Variants in PTPRD observed in about 807,000 individuals in gnomAD.
PTPRD encodes the protein protein tyrosine phosphatase receptor type D.
In PTPRD, 34 loss-of-function variants were observed where a neutral mutation model predicts 214.5. That is an observed-to-expected ratio of 0.16 (90% CI 0.12 to 0.21). PTPRD has a LOEUF of 0.21. PTPRD is among the 10% of genes least tolerant of loss of function. The probability of loss-of-function intolerance (pLI) is 1.00; values close to 1 mark genes in which losing one functional copy is unlikely to be tolerated. For missense variants in PTPRD, 2,545 were observed against 2,398.7 expected, an observed-to-expected ratio of 1.06 and a Z score of -1.27; for synonymous variants, 1,128 against 845.7, an observed-to-expected ratio of 1.33 and a Z score of -5.79.
chr9:10,396,599 C>T (rs2098175317), intron 2 of PTPRD, among the ~76,000 whole-genome samples: 1 of 152,018 alleles, frequency 6.6e-6, no homozygotes, highest in Non-Finnish European at 1.5e-5. Flanking sequence ...TAACTGAAAT[C>T]AATCCATCTG....
intron 4 of PTPRD, among the ~76,000 whole-genome samples, chr9:9,964,057 C>G (rs10816267): frequency 3.4e-5 from 5 of 147,938 alleles, no homozygotes; most frequent in African/African-American, 9.9e-5. Flanking sequence ...GAGGCAGAGG[C>G]AGGCAGAGAC....
At chr9:8,547,423 G>T (rs1226242281) in intron 14 of PTPRD, among the ~76,000 whole-genome samples, 1 of 152,076 alleles carries the variant, frequency 6.6e-6, no homozygotes, top group African/African-American at 2.4e-5. Context: ...TGGGCAGATT[G>T]CCTGATCTCA....
rs79140700 is a variant in PTPRD, at chr9:8,526,520, G to A, written c.568+107C>T. On this transcript the variant is annotated intron_variant, in intron 17 of 45. Transcript: ENST00000381196. ...ACAGTACAAAGAAAAAAAAAAAGTT[G>A]ATGGACATTATTGGAATGACGCTGA... The A allele has an allele frequency of 5.5e-3, 5,272 of 951,230 alleles. 48 individuals are homozygous for A. The highest frequency in any genetic ancestry group is 0.037 in the Middle Eastern group (158 of 4,294). The allele number at this position is 951,230 out of a possible 1,614,324, so 58.9% of individuals were successfully genotyped here.
At chr9:9,975,728 G>C (rs1354127863) in intron 4 of PTPRD, among the ~76,000 whole-genome samples, 1 of 152,164 alleles carries the variant, frequency 6.6e-6, no homozygotes, top group Non-Finnish European at 1.5e-5. Context: ...GGAGGCAATA[G>C]AGCCCGTAGA....
intron 11 of PTPRD, among the ~76,000 whole-genome samples, chr9:8,988,443 A>C (rs2099353933): frequency 6.6e-6 from 1 of 152,038 alleles, no homozygotes; most frequent in South Asian, 2.1e-4. Context: ...TTTAATAATC[A>C]AAGCTATGGA....
At position 9,953,153 on chromosome 9, in the gene PTPRD, G is replaced by A. The variant is rs75452451; in HGVS notation, c.-471-14543C>T. On this transcript the variant is annotated intron_variant, in intron 4 of 45. Transcript: ENST00000381196. Reference sequence around the variant, plus strand: ...AACCAAAATGGATGGTTAATTCTGTGTGTCAACTTTCCTGGGTCATGGTGT... The same window carrying A: ...AACCAAAATGGATGGTTAATTCTGTATGTCAACTTTCCTGGGTCATGGTGT... Among the ~76,000 whole-genome samples the A allele has an allele frequency of 1.2e-3, 182 of 152,248 alleles. 5 individuals carry two copies. The East Asian group carries it at 0.026, about 22-fold the overall frequency.
chr9:10,439,324 C>G (rs1329479612), intron 2 of PTPRD, among the ~76,000 whole-genome samples: 1 of 151,764 alleles, frequency 6.6e-6, no homozygotes, highest in African/African-American at 2.4e-5. Flanking sequence ...GCAATGCTGG[C>G]AACTAATGCT....
intron 2 of PTPRD, among the ~76,000 whole-genome samples, chr9:10,520,194 G>A (rs1321853454): frequency 6.6e-6 from 1 of 152,120 alleles, no homozygotes; most frequent in Non-Finnish European, 1.5e-5. Context: ...AAGAGTTATT[G>A]AAGCAAAAGT....
intron 21 of PTPRD, among the ~76,000 whole-genome samples, chr9:8,513,063 G>C (rs2097713375): frequency 6.6e-6 from 1 of 151,630 alleles, no homozygotes; most frequent in Non-Finnish European, 1.5e-5. Flanking sequence ...CTTGTCAATG[G>C]CCATATATTC....
At chr9:9,907,168 T>TTTG (rs1234134636) in intron 5 of PTPRD, among the ~76,000 whole-genome samples, 1 of 151,456 alleles carries the variant, frequency 6.6e-6, no homozygotes, top group South Asian at 2.1e-4. Context: ...ACTCCAGGTT[T>TTTG]TTGTTTTGCG....
intron 11 of PTPRD, among the ~76,000 whole-genome samples, chr9:8,864,988 C>T (rs1489930609): frequency 6.6e-6 from 1 of 152,162 alleles, no homozygotes; most frequent in Non-Finnish European, 1.5e-5. Context: ...ATACTTTTCT[C>T]TGTCTTCTCA....
At chr9:8,387,849 T>A (rs1352187216) in intron 37 of PTPRD, among the ~76,000 whole-genome samples, 4 of 152,206 alleles carry the variant, frequency 2.6e-5, no homozygotes, top group Admixed American at 2.6e-4. Flanking sequence ...TGAACTATTA[T>A]ATCCAAGATC....
intron 12 of PTPRD, among the ~76,000 whole-genome samples, chr9:8,694,256 T>C (rs1302926968): frequency 1.3e-5 from 2 of 152,122 alleles, no homozygotes; most frequent in Non-Finnish European, 2.9e-5. Context: ...ATGGGAGATA[T>C]GAATAGAAAA....
At chr9:8,344,258 C>T (rs1855363759) in intron 39 of PTPRD, among the ~76,000 whole-genome samples, 1 of 152,004 alleles carries the variant, frequency 6.6e-6, no homozygotes, top group African/African-American at 2.4e-5. Context: ...CACTGTAAAC[C>T]TTAGAACTGA....
At chr9:9,285,079 T>A (rs540715004) in intron 9 of PTPRD, among the ~76,000 whole-genome samples, 3 of 151,816 alleles carry the variant, frequency 2.0e-5, no homozygotes, top group Non-Finnish European at 4.4e-5. Context: ...CACCACCTAG[T>A]ATGTAATATA....
intron 7 of PTPRD, among the ~76,000 whole-genome samples, chr9:9,604,481 T>C (rs187472149): frequency 2.0e-5 from 3 of 152,204 alleles, no homozygotes; most frequent in Admixed American, 6.5e-5. Context: ...TTTTAGAATG[T>C]ATGCTTTCTG....
At chr9:9,120,807 A>G (rs1317443235) in intron 10 of PTPRD, among the ~76,000 whole-genome samples, 1 of 152,208 alleles carries the variant, frequency 6.6e-6, no homozygotes, top group Non-Finnish European at 1.5e-5. Flanking sequence ...GATCATGTGT[A>G]CAACATTTCC....
intron 3 of PTPRD, among the ~76,000 whole-genome samples, chr9:10,076,860 A>G (rs16931013): frequency 0.036 from 5,487 of 152,254 alleles, 168 homozygotes; most frequent in Admixed American, 0.093. Context: ...CTCTACGAAC[A>G]TGAAGGTCAA....
At chr9:10,611,235 G>A (rs1046327936) in intron 2 of PTPRD, among the ~76,000 whole-genome samples, 1 of 152,082 alleles carries the variant, frequency 6.6e-6, no homozygotes, top group Non-Finnish European at 1.5e-5. Context: ...GTACTACCAT[G>A]TCAAAAAACT....
Sources: allele counts gnomAD v4.1 joint callset (sites outside exome capture counted in the v4.1 genomes callset), GRCh38; gene constraint gnomAD v4.1.1; transcripts MANE v1.5; gene names NCBI Gene and HGNC (gene_info 2026-07-23, HGNC 2026-07-21).